The following LMAN2 variants were observed in gnomAD, a reference collection of about 807,000 sequenced individuals.
The protein encoded by LMAN2 is vesicular integral-membrane protein VIP36.
LMAN2 carries 22 observed loss-of-function variants against 39.3 expected under a neutral mutation model. That is an observed-to-expected ratio of 0.56 (90% confidence interval 0.40 to 0.80). The LOEUF is 0.80. LMAN2 is among the 30% of genes least tolerant of loss of function. The probability of loss-of-function intolerance (pLI) is 0.00; values close to 1 mark genes in which losing one functional copy is unlikely to be tolerated. For synonymous variants in LMAN2, 207 were observed against 207.8 expected (o/e 1.00, Z 0.03); for missense variants, 494 against 505.4 (o/e 0.98, Z 0.22).
intron 2 of LMAN2, among the ~76,000 whole-genome samples, chr5:177,348,883 CAA>C (rs11314255): frequency 4.4e-4 from 37 of 83,260 alleles, no homozygotes; most frequent in African/African-American, 6.4e-4. Flanking sequence ...GACTCCGTCT[CAA>C]AAAAAAAAAA....
intron 2 of LMAN2, among the ~76,000 whole-genome samples, chr5:177,343,577 A>ACG: frequency 6.6e-6 from 1 of 152,222 alleles, no homozygotes; most frequent in African/African-American, 2.4e-5. Context: ...ACACACACAC[A>ACG]CACACACACA....
chr5:177,338,102 T>C (rs912572143), intron 3 of LMAN2, among the ~76,000 whole-genome samples: 3 of 152,016 alleles, frequency 2.0e-5, no homozygotes, highest in African/African-American at 7.3e-5. Flanking sequence ...GGCTCTACCC[T>C]CTATACTAGG....
rs191760092 is a variant in LMAN2, at chr5:177,331,567, T to C, written c.*519A>G. On this transcript the variant is annotated 3_prime_UTR_variant, in exon 8 of 8. Transcript: ENST00000303127. Reference sequence around the variant, plus strand: ...CCTCAGGACAGTCACACGGCTGAGGTTGGGTATTTCACTTTATTTAGCAAA... The same window carrying C: ...CCTCAGGACAGTCACACGGCTGAGGCTGGGTATTTCACTTTATTTAGCAAA... The C allele has an allele frequency of 2.3e-3, 357 of 152,986 alleles. 2 individuals are homozygous for C. Among genetic ancestry groups the C allele is most frequent in the African/African-American group, 8.1e-3 (337 of 41,490 alleles). The allele number at this position is 152,986 out of a possible 1,614,324, so 9.5% of individuals were successfully genotyped here. A position where few individuals can be genotyped will look rare whatever the true frequency, so the allele number is the denominator to read the frequency against.
intron 7 of LMAN2, among the ~76,000 whole-genome samples, chr5:177,333,817 T>C (rs949382414): frequency 6.6e-6 from 1 of 151,564 alleles, no homozygotes; most frequent in African/African-American, 2.4e-5. Flanking sequence ...CTCTCTCTCC[T>C]TCTAGCTAAG....
rs1264519951 is a variant in LMAN2, at chr5:177,337,427, G to A, written c.611C>T (p.Ala204Val). The A allele has an allele frequency of 1.3e-5, 21 of 1,613,570 alleles. No homozygotes were observed. The highest frequency in any genetic ancestry group is 1.8e-5 in the Non-Finnish European group (21 of 1,180,008). ...GRWTELAGCT[A>V]DFRNRDHDTF... The stretch of plus-strand genomic sequence containing the variant: ...GTCGTGATCGCGGTTGCGGAAGTCA[G>A]CCGTGCAGCCCGCCAGCTCGGTCCA... Residue 204 changes from alanine (A) to valine (V), a missense_variant, in exon 5 of 8, where the codon GCT becomes GTT. Transcript: ENST00000303127. The surrounding 1 kb of genome is among the most constrained non-coding windows in gnomAD (Gnocchi z 8.2).
Position 177,337,172 on chromosome 5 carries a change from A to T in LMAN2, c.754T>A (p.Tyr252Asn), listed in dbSNP as rs1336549553. The T allele has an allele frequency of 6.2e-7, 1 of 1,613,862 alleles. No individual in the cohort carries two copies. The highest frequency in any genetic ancestry group is 1.7e-5 in the Admixed American group (1 of 60,032). Reference protein sequence around the residue: ...ITGVRLPTGYYFGASAGTGDL... With the variant: ...ITGVRLPTGYNFGASAGTGDL... The stretch of plus-strand genomic sequence containing the variant: ...CCGGTGCCGGCGGAGGCCCCGAAGT[A>T]GTAGCCGGTGGGCAGGCGCACTCCC... Residue 252 changes from tyrosine (Y) to asparagine (N), a missense_variant, in exon 6 of 8, where the codon TAC becomes AAC. Coordinates refer to ENST00000303127, the MANE Select transcript of LMAN2 (RefSeq NM_006816.3). This position sits in a 1 kb window ranked among gnomAD's most constrained non-coding sequence, Gnocchi z 8.2.
chr5:177,336,964 G>A (rs1343237840), intron 6 of LMAN2, 172 bp downstream of exon 6: 1 of 612,280 alleles, frequency 1.6e-6, no homozygotes, highest in Non-Finnish European at 2.9e-6. Flanking sequence ...GGTGAGCCCA[G>A]AAACCACAGG....
At chr5:177,336,741 A>G (rs973434090) in intron 6 of LMAN2, among the ~76,000 whole-genome samples, 10 of 152,212 alleles carry the variant, frequency 6.6e-5, no homozygotes, top group Admixed American at 3.3e-4. Flanking sequence ...GGCTGGAGAT[A>G]AATCTGGGAA....
intron 2 of LMAN2, among the ~76,000 whole-genome samples, chr5:177,347,448 A>G (rs1761652825): frequency 6.6e-6 from 1 of 152,236 alleles, no homozygotes; most frequent in Admixed American, 6.5e-5. Flanking sequence ...TAGTAGAGAC[A>G]TACTATGATA....
intron 2 of LMAN2, 75 bp from the exon 3 acceptor site, chr5:177,338,680 C>T (rs1761511357): frequency 8.4e-7 from 1 of 1,192,538 alleles, no homozygotes; most frequent in Non-Finnish European, 1.2e-6. Context: ...CCCAGCACGG[C>T]CCCTGCCCCA....
At chr5:177,338,354 G>T in intron 3 of LMAN2, 134 bp downstream of exon 3, 1 of 690,092 alleles carries the variant, frequency 1.4e-6, no homozygotes, top group Non-Finnish European at 2.5e-6. Context: ...TCCACGGGAG[G>T]CAGCACTTTC....
chr5:177,340,415 C>T (rs575472980), intron 2 of LMAN2, among the ~76,000 whole-genome samples: 18 of 152,062 alleles, frequency 1.2e-4, no homozygotes, highest in Admixed American at 7.9e-4. Flanking sequence ...GAGAACAGTA[C>T]CCAATAGGTA....
chr5:177,344,335 A>T (rs1185279844), intron 2 of LMAN2, among the ~76,000 whole-genome samples: 1 of 116,258 alleles, frequency 8.6e-6, no homozygotes, highest in Non-Finnish European at 1.6e-5. Context: ...GCCAGGGTGG[A>T]GTGCAGTGGC....
rs1347348001 is a variant in LMAN2 at position 177,351,132 on chromosome 5, G to C, written c.315+41C>G. On this transcript the variant is annotated intron_variant, in intron 2 of 7. Coordinates refer to ENST00000303127, the MANE Select transcript of LMAN2 (RefSeq NM_006816.3). The stretch of plus-strand genomic sequence containing the variant: ...GCTGCTCGGGAGGCAGGGACTAGCA[G>C]CCAACCGCACAGTACGCCTATCCTC... 2.5e-6 allele frequency: 4 copies of C among 1,584,854 alleles called. No homozygotes were observed. In the East Asian group the frequency reaches 6.7e-5, roughly 27 times the overall value.
In LMAN2 at chr5:177,338,494, C is replaced by A. The variant is rs767386223; in HGVS notation, c.427G>T (p.Val143Leu). 5 of 1,613,786 alleles carry A rather than the reference C, an allele frequency of 3.1e-6. No homozygotes were observed. The highest frequency in any genetic ancestry group is 3.4e-6 in the Non-Finnish European group (4 of 1,179,824). Residue 143 changes from valine to leucine, a missense_variant, in exon 3 of 8, where the codon GTG becomes TTG. By Grantham distance (32) the Val-to-Leu change is conservative. Transcript: ENST00000303127. ...IALWYTRDRL[V>L]PGPVFGSKDN... ...TGAGCGAACACCAGCCCACCTGGCACGAGGCGGTCCCGGGTGTACCACAAG... is the reference window on the plus strand; with the variant it reads ...TGAGCGAACACCAGCCCACCTGGCAAGAGGCGGTCCCGGGTGTACCACAAG...
rs1005743616 is a variant in LMAN2 at position 177,332,429 on chromosome 5, C to T, written c.911-183G>A. On this transcript the variant is annotated intron_variant, in intron 7 of 7. Coordinates refer to ENST00000303127, the MANE Select transcript of LMAN2 (RefSeq NM_006816.3). The surrounding 1 kb of genome is among the most constrained non-coding windows in gnomAD (Gnocchi z 6.3). ...CCATCCCAGCCAGCTCTGCAGTCCC[C>T]AGGGCAGGGTGGGGCAGAGAGAGGA... 4.6e-5 allele frequency among the ~76,000 whole-genome samples: 7 copies of T among 152,154 alleles called. No individual in the cohort carries two copies. The highest frequency in any genetic ancestry group is 1.7e-4 in the African/African-American group (7 of 41,430).
intron 2 of LMAN2, among the ~76,000 whole-genome samples, chr5:177,350,448 C>T (rs1213733276): frequency 3.9e-5 from 6 of 152,166 alleles, no homozygotes; most frequent in Non-Finnish European, 7.4e-5. Context: ...CCACTGCTCA[C>T]ATACTACATA....
rs746759642 is a variant in LMAN2, at chr5:177,337,513, C to T, written c.525G>A (p.Pro175=). ...CATTGTTCACCATCACCGAGATGTACGGGAACACGCGCTGGGACCAAGACA... is the reference window on the plus strand; with the variant it reads ...CATTGTTCACCATCACCGAGATGTATGGGAACACGCGCTGGGACCAAGACA... ...PNDETTERVF[P]YISVMVNNGS... The change falls in exon 5 of 8, where the codon CCG becomes CCA. Residue 175 remains proline, a synonymous_variant. Transcript: ENST00000303127. The surrounding 1 kb of genome is among the most constrained non-coding windows in gnomAD (Gnocchi z 8.2). 1.2e-5 allele frequency: 20 copies of T among 1,613,974 alleles called. No individual in the cohort carries two copies. In the South Asian group the frequency reaches 1.4e-4, roughly 12 times the overall value.
intron 2 of LMAN2, among the ~76,000 whole-genome samples, chr5:177,348,506 G>T (rs1761670192): frequency 6.6e-6 from 1 of 151,820 alleles, no homozygotes; most frequent in African/African-American, 2.4e-5. Flanking sequence ...CGCAAACATG[G>T]CAAAACCTCA....
Sources: gnomAD v4.1 joint callset for allele counts (sites outside exome capture counted in the v4.1 genomes callset) on GRCh38, gnomAD v4.1.1 for gene constraint, Gnocchi (gnomAD v3.1) non-coding constraint, MANE v1.5 for transcripts, NCBI Gene and HGNC (gene_info 2026-07-23, HGNC 2026-07-21) for gene names.